The following KBTBD4 variants were observed in gnomAD, a reference collection of about 807,000 sequenced individuals.
The protein encoded by KBTBD4 is kelch repeat and BTB domain containing 4, also known as kelch repeat and BTB domain-containing protein 4.
A neutral mutation model predicts 43.9 loss-of-function variants in KBTBD4; 30 were observed. The observed-to-expected ratio is 0.68, with a 90% CI of 0.51 to 0.93. The LOEUF (loss-of-function observed/expected upper bound fraction) is 0.93. Ranked by LOEUF, KBTBD4 falls within the 40% of genes least tolerant of loss-of-function variation. The pLI, the probability that KBTBD4 is intolerant of heterozygous loss-of-function variation, is 0.00. For synonymous variants in KBTBD4, 258 were observed against 256.9 expected (o/e 1.00, Z -0.04); for missense variants, 575 against 668.8 (o/e 0.86, Z 1.55).
chr11:47,575,551 A>G (rs376987482), intron 3 of KBTBD4, 42 bp downstream of exon 3: 23 of 1,247,370 alleles, frequency 1.8e-5, no homozygotes, highest in Non-Finnish European at 2.5e-5. Context: ...GCAAGAATGC[A>G]TGGAGAGTAT....
chr11:47,575,209 T>TAA (rs751592990), intron 3 of KBTBD4, among the ~76,000 whole-genome samples: 1 of 91,260 alleles, frequency 1.1e-5, no homozygotes, highest in Non-Finnish European at 2.2e-5. Flanking sequence ...GAATCCGTCT[T>TAA]AAAAAAAAAA....
Position 47,576,236 on chromosome 11 carries a change from G to A in KBTBD4, c.638-537C>T, listed in dbSNP as rs181979437. ...GGCTGGAGTGCAGTGGCGTGATCTCGGCTCACTGCAAGCTCCACCTCCCGG... is the reference window on the plus strand; with the variant it reads ...GGCTGGAGTGCAGTGGCGTGATCTCAGCTCACTGCAAGCTCCACCTCCCGG... On this transcript the variant is annotated intron_variant, in intron 2 of 3. Transcript: ENST00000430070. 5.5e-3 allele frequency among the ~76,000 whole-genome samples: 786 copies of A among 142,894 alleles called. 6 individuals carry two copies. Among genetic ancestry groups the A allele is most frequent in the African/African-American group, 0.02 (756 of 38,482 alleles). The allele number at this position is 142,894 out of a possible 152,430, so 93.7% of individuals were successfully genotyped here. A position where few individuals can be genotyped will look rare whatever the true frequency, so the allele number is the denominator to read the frequency against.
rs751505119 is a variant in KBTBD4, at chr11:47,573,254, A to G, written c.1281T>C (p.His427=). The G allele has an allele frequency of 1.7e-5, 27 of 1,614,128 alleles. No individual in the cohort carries two copies. Among genetic ancestry groups the G allele is most frequent in the African/African-American group, 4.0e-5 (3 of 75,014 alleles). ...CAAAGGGCAGCACATAGGGCTTCAC[A>G]TGGCATTTGTCTGTCTCTGTGTCAA... ...QCFDTETDKC[H]VKPYVLPFAG... Residue 427 remains histidine (H), a synonymous_variant, in exon 4 of 4, where the codon CAT becomes CAC. Coordinates refer to ENST00000430070, the MANE Select transcript of KBTBD4 (RefSeq NM_018095.6). This position sits in a 1 kb window ranked among gnomAD's most constrained non-coding sequence, Gnocchi z 4.1.
Position 47,575,209 on chromosome 11 carries a change from TAAAAA to T in KBTBD4, c.744+379_744+383del, listed in dbSNP as rs751592990. 2.6e-4 allele frequency among the ~76,000 whole-genome samples: 24 copies of T among 91,276 alleles called. No homozygotes were observed. The East Asian group carries it at 4.5e-3, about 17-fold the overall frequency. The allele number at this position is 91,276 out of a possible 152,430, so 59.9% of individuals were successfully genotyped here. A position where few individuals can be genotyped will look rare whatever the true frequency, so the allele number is the denominator to read the frequency against. ...TGGGCAACAAAGTGAGAATCCGTCT[TAAAAA>T]AAAAAAAAAAAAGGCCGGGCGCGGG... On this transcript the variant is annotated intron_variant, in intron 3 of 3. Transcript: ENST00000430070.
At chr11:47,575,451 G>T in intron 3 of KBTBD4, 142 bp downstream of exon 3, 2 of 569,644 alleles carry the variant, frequency 3.5e-6, no homozygotes, top group African/African-American at 1.9e-5. Context: ...AGCTTGCAGT[G>T]AGCCGAGATT....
chr11:47,574,607 G>A (rs959645084), intron 3 of KBTBD4, among the ~76,000 whole-genome samples: 5 of 147,362 alleles, frequency 3.4e-5, no homozygotes, highest in African/African-American at 1.3e-4. Flanking sequence ...GTAATCCCAA[G>A]ACTCTGGGAG....
At chr11:47,578,787 A>G in intron 1 of KBTBD4, 146 bp downstream of exon 1, 5 of 1,530,890 alleles carry the variant, frequency 3.3e-6, no homozygotes, top group African/African-American at 1.4e-5. Context: ...AGGGGTGTGT[A>G]GCGTAGAACC....
chr11:47,578,381 A>G, intron 1 of KBTBD4: 1 of 562,090 alleles, frequency 1.8e-6, no homozygotes, highest in Non-Finnish European at 3.1e-6. Flanking sequence ...AAGCCTTACT[A>G]ACCAAATAAC....
At position 47,577,669 on chromosome 11, in the gene KBTBD4, G is replaced by T; in HGVS notation, c.379C>A (p.Arg127=). ...TAAATTTCCTGCAACTCCTCAGCTC[G>T]AAGTTTCACAGTCCCATGGTAGATA... ...DYIYHGTVKL[R]AEELQEIYEV... is the part of the protein sequence containing the mutation. Residue 127 remains arginine (R), a synonymous_variant, in exon 2 of 4, where the codon CGA becomes AGA. Transcript: ENST00000430070. The T allele has an allele frequency of 2.5e-6, 4 of 1,614,142 alleles. No individual in the cohort carries two copies. The highest frequency in any genetic ancestry group is 2.2e-5 in the East Asian group (1 of 44,884).
At position 47,573,563 on chromosome 11, in the gene KBTBD4, C is replaced by G; in HGVS notation, c.972G>C (p.Trp324Cys). 6.2e-7 allele frequency: 1 copy of G among 1,614,214 alleles called. No homozygotes were observed. The highest frequency in any genetic ancestry group is 8.5e-7 in the Non-Finnish European group (1 of 1,180,034). Residue 324 changes from tryptophan (W) to cysteine (C), a missense_variant, in exon 4 of 4, where the codon TGG (tryptophan) becomes TGC (cysteine). Physicochemically the swap from Trp to Cys is radical, Grantham distance 215. Coordinates refer to ENST00000430070, the MANE Select transcript of KBTBD4 (RefSeq NM_018095.6). This position sits in a 1 kb window ranked among gnomAD's most constrained non-coding sequence, Gnocchi z 4.1. Reference protein sequence around the residue: ...MWKCNNATVDWEWCAPLPRDR... With the variant: ...MWKCNNATVDCEWCAPLPRDR... ...CCCGAGGCAAAGGAGCACACCACTC[C>G]CAGTCAACGGTGGCATTGTTGCACT...
At chr11:47,577,326 G>C in intron 2 of KBTBD4, 85 bp downstream of exon 2, 5 of 1,333,886 alleles carry the variant, frequency 3.7e-6, no homozygotes, top group Non-Finnish European at 5.1e-6. Context: ...CAGGAAGCTT[G>C]AGGGTTCTTT....
Position 47,577,576 on chromosome 11 carries a change from C to A in KBTBD4, c.472G>T (p.Val158Leu), listed in dbSNP as rs779021685. 6.2e-7 allele frequency: 1 copy of A among 1,614,178 alleles called. No individual in the cohort carries two copies. Among genetic ancestry groups the A allele is most frequent in the Admixed American group, 1.7e-5 (1 of 60,024 alleles). The change falls in exon 2 of 4, where the codon GTG becomes TTG. Residue 158 changes from valine (V) to leucine (L), a missense_variant. Physicochemically the swap from Val to Leu is conservative, Grantham distance 32 (BLOSUM62 1). Coordinates refer to ENST00000430070, the MANE Select transcript of KBTBD4 (RefSeq NM_018095.6). ...ACCTGAAGGCAGTTTCCCACTTGCACTGTGCGGGCCAAAAACCGAGAGCAT... is the reference window on the plus strand; with the variant it reads ...ACCTGAAGGCAGTTTCCCACTTGCAATGTGCGGGCCAAAAACCGAGAGCAT... ...EECSRFLART[V>L]QVGNCLQVMW...
chr11:47,575,391 C>T (rs1252879007), intron 3 of KBTBD4, among the ~76,000 whole-genome samples: 1 of 151,452 alleles, frequency 6.6e-6, no homozygotes, highest in African/African-American at 2.4e-5. Context: ...CCTGTAGTCC[C>T]AGCTACTAGG....
At position 47,573,220 on chromosome 11, in the gene KBTBD4, T is replaced by G; in HGVS notation, c.1315A>C (p.Met439Leu). The G allele has an allele frequency of 6.2e-7, 1 of 1,614,150 alleles. No homozygotes were observed. The highest frequency in any genetic ancestry group is 8.5e-7 in the Non-Finnish European group (1 of 1,180,036). Reference sequence around the variant, plus strand: ...AGATCTTTATGCACAGCTGCGTGCATGCGGCCTGCAAAGGGCAGCACATAG... The same window carrying G: ...AGATCTTTATGCACAGCTGCGTGCAGGCGGCCTGCAAAGGGCAGCACATAG... Reference protein sequence around the residue: ...KPYVLPFAGRMHAAVHKDLVF... With the variant: ...KPYVLPFAGRLHAAVHKDLVF... The change falls in exon 4 of 4, where the codon ATG becomes CTG. Residue 439 changes from methionine (M) to leucine (L), a missense_variant. Met to Leu is a conservative substitution (Grantham distance 15). Transcript: ENST00000430070. This position sits in a 1 kb window ranked among gnomAD's most constrained non-coding sequence, Gnocchi z 4.1.
Position 47,572,974 on chromosome 11 carries a change from C to G in KBTBD4, c.1561G>C (p.Gly521Arg). The change falls in exon 4 of 4, where the codon GGT becomes CGT. Residue 521 changes from glycine to arginine, a missense_variant. Coordinates refer to ENST00000430070, the MANE Select transcript of KBTBD4 (RefSeq NM_018095.6). Reference sequence around the variant, plus strand: ...AAATTGGTAAGCAGCACCTTAATACCTCTTGTGACAGTTACGGCTGAAGTG... The same window carrying G: ...AAATTGGTAAGCAGCACCTTAATACGTCTTGTGACAGTTACGGCTGAAGTG... ...PATSAVTVTR[G>R]IKVLLTNLQF... The G allele has an allele frequency of 1.2e-6, 2 of 1,614,182 alleles. No individual in the cohort carries two copies. Among genetic ancestry groups the G allele is most frequent in the Non-Finnish European group, 1.7e-6 (2 of 1,180,022 alleles).
Position 47,576,788 on chromosome 11 carries a change from G to A in KBTBD4, c.637+623C>T, listed in dbSNP as rs1438990078. ...GCCTCCGGGTTCAAGTGATTCTCCT[G>A]CCTCAGCCTTCCCAAGTAGCTGAGA... On this transcript the variant is annotated intron_variant, in intron 2 of 3. Coordinates refer to ENST00000430070, the MANE Select transcript of KBTBD4 (RefSeq NM_018095.6). Among the ~76,000 whole-genome samples, 6 of 150,928 alleles carry A rather than the reference G, an allele frequency of 4.0e-5. No individual in the cohort carries two copies. In the South Asian group the frequency reaches 1.2e-3, roughly 31 times the overall value.
At position 47,577,668 on chromosome 11, in the gene KBTBD4, C is replaced by G; in HGVS notation, c.380G>C (p.Arg127Pro). Residue 127 changes from arginine (R) to proline (P), a missense_variant, in exon 2 of 4, where the codon CGA (arginine) becomes CCA (proline). Coordinates refer to ENST00000430070, the MANE Select transcript of KBTBD4 (RefSeq NM_018095.6). ...DYIYHGTVKL[R>P]AEELQEIYEV... ...ATAAATTTCCTGCAACTCCTCAGCT[C>G]GAAGTTTCACAGTCCCATGGTAGAT... 1.2e-6 allele frequency: 2 copies of G among 1,614,176 alleles called. No individual in the cohort carries two copies. Among genetic ancestry groups the G allele is most frequent in the Non-Finnish European group, 8.5e-7 (1 of 1,180,032 alleles).
chr11:47,578,261 G>A (rs1164399727), intron 1 of KBTBD4: 1 of 589,952 alleles, frequency 1.7e-6, no homozygotes, highest in African/African-American at 1.9e-5. Flanking sequence ...CCAACTCTGG[G>A]TGTTTTCCTG....
chr11:47,573,230 A>G lies in KBTBD4; in HGVS notation c.1305T>C (p.Phe435=), dbSNP rs1175624374. Reference sequence around the variant, plus strand: ...GCACAGCTGCGTGCATGCGGCCTGCAAAGGGCAGCACATAGGGCTTCACAT... The same window carrying G: ...GCACAGCTGCGTGCATGCGGCCTGCGAAGGGCAGCACATAGGGCTTCACAT... The part of the protein sequence containing the change: ...KCHVKPYVLP[F]AGRMHAAVHK... Residue 435 remains phenylalanine (F), a synonymous_variant, in exon 4 of 4, where the codon TTT becomes TTC. Transcript: ENST00000430070. The surrounding 1 kb of genome is among the most constrained non-coding windows in gnomAD (Gnocchi z 4.1). 6.2e-7 allele frequency: 1 copy of G among 1,614,176 alleles called. No homozygotes were observed. Among genetic ancestry groups the G allele is most frequent in the Non-Finnish European group, 8.5e-7 (1 of 1,180,028 alleles).
Sources: allele counts gnomAD v4.1 joint callset (sites outside exome capture counted in the v4.1 genomes callset), GRCh38; gene constraint gnomAD v4.1.1; non-coding constraint Gnocchi (gnomAD v3.1); transcripts MANE v1.5; gene names NCBI Gene and HGNC (gene_info 2026-07-23, HGNC 2026-07-21).